The following ATP9B variants were observed in gnomAD, a reference collection of about 807,000 sequenced individuals.
ATP9B encodes probable phospholipid-transporting ATPase IIB.
Under a neutral mutation model 146.1 loss-of-function variants are expected in ATP9B, and 110 were observed. The ratio of observed to expected loss-of-function variants is 0.75; its 90% CI spans 0.65 to 0.88. The LOEUF (loss-of-function observed/expected upper bound fraction) is 0.88, where lower values mean the gene tolerates loss of function less well. Ranked by LOEUF, ATP9B falls within the 40% of genes least tolerant of loss-of-function variation. The pLI, the probability that ATP9B is intolerant of heterozygous loss-of-function variation, is 0.00. For missense variants in ATP9B, 1,499 were observed against 1,496.4 expected, an observed-to-expected ratio of 1.00 and a Z score of -0.03; for synonymous variants, 604 against 569.7, an observed-to-expected ratio of 1.06 and a Z score of -0.86.
chr18:79,318,557 G>A (rs1278071233), intron 15 of ATP9B, among the ~76,000 whole-genome samples: 3 of 152,316 alleles, frequency 2.0e-5, no homozygotes, highest in Middle Eastern at 3.4e-3. Flanking sequence ...GTGACATCCC[G>A]GATGGGACCT....
At position 79,347,867 on chromosome 18, in the gene ATP9B, G is replaced by A. The variant is rs768134742; in HGVS notation, c.2780G>A (p.Arg927Lys). The A allele has an allele frequency of 3.5e-5, 56 of 1,613,698 alleles. No individual in the cohort carries two copies. Among genetic ancestry groups the A allele is most frequent in the Non-Finnish European group, 3.4e-6 (4 of 1,179,936 alleles). Residue 927 changes from arginine to lysine, a missense_variant, in exon 24 of 30, where the codon AGG (arginine) becomes AAG (lysine). Transcript: ENST00000426216. Reference sequence around the variant, plus strand: ...GTGCACGGGCGGAACAGCTACAAGAGGTCGGCGGCACTCGGCCAGTTCGTC... The same window carrying A: ...GTGCACGGGCGGAACAGCTACAAGAAGTCGGCGGCACTCGGCCAGTTCGTC... ...LMVHGRNSYK[R>K]SAALGQFVMH...
intron 13 of ATP9B, among the ~76,000 whole-genome samples, chr18:79,290,678 G>A (rs1259744047): frequency 6.6e-6 from 1 of 152,228 alleles, no homozygotes; most frequent in East Asian, 1.9e-4. Context: ...ACCTCAGATG[G>A]AAATGCAGAA....
chr18:79,272,177 C>T (rs1257423783), intron 12 of ATP9B, among the ~76,000 whole-genome samples: 2 of 152,168 alleles, frequency 1.3e-5, no homozygotes, highest in African/African-American at 4.8e-5. Flanking sequence ...TTCTCCCATT[C>T]TGTAGGTTTC....
chr18:79,141,373 CTG>C (rs2147384671), intron 5 of ATP9B, among the ~76,000 whole-genome samples: 1 of 152,226 alleles, frequency 6.6e-6, no homozygotes, highest in Admixed American at 6.5e-5. Context: ...TTGGGTCTGT[CTG>C]TATTAGTAGG....
chr18:79,322,838 C>G (rs1371537151), intron 15 of ATP9B, among the ~76,000 whole-genome samples: 1 of 152,192 alleles, frequency 6.6e-6, no homozygotes, highest in African/African-American at 2.4e-5. Context: ...GCAGAATGTT[C>G]TCAACATGCA....
rs1600242506 is a variant in ATP9B at position 79,347,810 on chromosome 18, C to T, written c.2723C>T (p.Thr908Met). Residue 908 changes from threonine (T) to methionine (M), a missense_variant, in exon 24 of 30, where the codon ACG becomes ATG. Coordinates refer to ENST00000426216, the MANE Select transcript of ATP9B (RefSeq NM_198531.5). ...TCGCTGGCGGCCGACTTCTCCATCA[C>T]GCAGTTCCGGCACATAGGCAGGCTG... ...QASLAADFSI[T>M]QFRHIGRLLM... The T allele has an allele frequency of 1.2e-6, 2 of 1,609,198 alleles. No individual in the cohort carries two copies. The highest frequency in any genetic ancestry group is 1.7e-6 in the Non-Finnish European group (2 of 1,176,780).
intron 6 of ATP9B, among the ~76,000 whole-genome samples, chr18:79,150,305 T>C (rs1231130179): frequency 6.6e-6 from 1 of 152,046 alleles, no homozygotes; most frequent in Non-Finnish European, 1.5e-5. Flanking sequence ...AATCGCTGGA[T>C]AGTTTCTTAA....
chr18:79,240,752 A>C (rs1489627712), intron 11 of ATP9B, among the ~76,000 whole-genome samples: 1 of 152,244 alleles, frequency 6.6e-6, no homozygotes, highest in Non-Finnish European at 1.5e-5. Flanking sequence ...GCCTCAAAAA[A>C]CAACAGAAAA....
chr18:79,334,790 C>G (rs549318970), intron 17 of ATP9B, among the ~76,000 whole-genome samples: 11 of 152,018 alleles, frequency 7.2e-5, no homozygotes, highest in East Asian at 5.8e-4. Context: ...CCCACCCCCC[C>G]CTTGTGCCGG....
chr18:79,200,327 C>G (rs1021235046), intron 9 of ATP9B, among the ~76,000 whole-genome samples: 3 of 152,140 alleles, frequency 2.0e-5, no homozygotes, highest in African/African-American at 7.2e-5. Flanking sequence ...GTTAGAACTT[C>G]AAGGAGAAAC....
intron 15 of ATP9B, among the ~76,000 whole-genome samples, chr18:79,326,694 C>T (rs967112290): frequency 2.2e-4 from 33 of 152,216 alleles, no homozygotes; most frequent in Admixed American, 1.1e-3. Context: ...GCTCTTCACA[C>T]CCAGACACTG....
rs575783693 is a variant in ATP9B at position 79,276,366 on chromosome 18, A to G, written c.1269-688A>G. Among the ~76,000 whole-genome samples, 12 of 152,388 alleles carry G rather than the reference A, an allele frequency of 7.9e-5. No individual in the cohort carries two copies. In the East Asian group the frequency reaches 1.5e-3, roughly 20 times the overall value. ...AATTGCAGTCTTACTACACGGACTT[A>G]AATTATGAAATTTTAAAAATGACTA... is the stretch of plus-strand genomic sequence containing the variant. On this transcript the variant is annotated intron_variant, in intron 12 of 29. Coordinates refer to ENST00000426216, the MANE Select transcript of ATP9B (RefSeq NM_198531.5).
At chr18:79,122,611 A>G (rs2094209162) in intron 4 of ATP9B, among the ~76,000 whole-genome samples, 1 of 152,112 alleles carries the variant, frequency 6.6e-6, no homozygotes, top group Non-Finnish European at 1.5e-5. Flanking sequence ...TTTTTCCTTT[A>G]AGATAAGTTT....
intron 1 of ATP9B, among the ~76,000 whole-genome samples, chr18:79,096,000 G>T (rs2074746670): frequency 1.3e-5 from 2 of 152,212 alleles, no homozygotes; most frequent in East Asian, 3.8e-4. Context: ...AAGGGATGAT[G>T]TTGATACCTT....
At chr18:79,259,838 T>A (rs1490019596) in intron 12 of ATP9B, among the ~76,000 whole-genome samples, 1 of 152,226 alleles carries the variant, frequency 6.6e-6, no homozygotes, top group Non-Finnish European at 1.5e-5. Context: ...TTCTGTGACA[T>A]TTTACAGGTT....
Position 79,191,198 on chromosome 18 carries a change from G to C in ATP9B, c.874-1985G>C, listed in dbSNP as rs183924743. On this transcript the variant is annotated intron_variant, in intron 8 of 29. Transcript: ENST00000426216. Reference sequence around the variant, plus strand: ...CCATTATTTATAATGAGAAATCAGTGGTATTTTGATAGTTCTTCTCTTGTG... The same window carrying C: ...CCATTATTTATAATGAGAAATCAGTCGTATTTTGATAGTTCTTCTCTTGTG... 1.0e-3 allele frequency among the ~76,000 whole-genome samples: 157 copies of C among 151,930 alleles called. 1 individual carries two copies. Among genetic ancestry groups the C allele is most frequent in the Non-Finnish European group, 1.6e-3 (106 of 67,934 alleles).
chr18:79,157,547 T>G (rs2147692235), intron 7 of ATP9B, among the ~76,000 whole-genome samples: 1 of 152,136 alleles, frequency 6.6e-6, no homozygotes, highest in Non-Finnish European at 1.5e-5. Flanking sequence ...TTTGGAAGAG[T>G]TTGTGAAGAA....
At chr18:79,143,705 C>G in intron 5 of ATP9B, 97 bp from the exon 6 acceptor site, 2 of 740,008 alleles carry the variant, frequency 2.7e-6, no homozygotes, top group Non-Finnish European at 4.2e-6. Context: ...GTTTTTTTTT[C>G]TGTAGCTTAT....
intron 5 of ATP9B, among the ~76,000 whole-genome samples, chr18:79,139,813 C>G (rs1226359404): frequency 3.3e-5 from 5 of 152,148 alleles, no homozygotes; most frequent in Non-Finnish European, 7.4e-5. Context: ...TCGCTTCCCC[C>G]CACAACTCCC....
Sources: allele counts gnomAD v4.1 joint callset (sites outside exome capture counted in the v4.1 genomes callset), GRCh38; gene constraint gnomAD v4.1.1; transcripts MANE v1.5; gene names NCBI Gene and HGNC (gene_info 2026-07-23, HGNC 2026-07-21).